AGBL1: variants seen among roughly 807,000 people sequenced by gnomAD.
The protein encoded by AGBL1 is AGBL carboxypeptidase 1.
In AGBL1, 130 loss-of-function variants were observed where a neutral mutation model predicts 118.9. The ratio of observed to expected loss-of-function variants is 1.09; its 90% CI spans 0.95 to 1.26. The LOEUF (loss-of-function observed/expected upper bound fraction) is 1.26, where lower values mean the gene tolerates loss of function less well. Among genes scored for constraint, AGBL1 ranks in the 50% most tolerant of loss-of-function variants. AGBL1 has a pLI of 0.00. For missense variants in AGBL1, 1,584 were observed against 1,298.1 expected, an observed-to-expected ratio of 1.22 and a Z score of -3.38; for synonymous variants, 555 against 478.9, an observed-to-expected ratio of 1.16 and a Z score of -2.08.
At chr15:86,284,752 C>T (rs751612781) in intron 16 of AGBL1, among the ~76,000 whole-genome samples, 1 of 152,108 alleles carries the variant, frequency 6.6e-6, no homozygotes, top group Non-Finnish European at 1.5e-5. Context: ...CAGTAGCCAT[C>T]AGCAGGTTAC....
intron 22 of AGBL1, among the ~76,000 whole-genome samples, chr15:86,784,930 T>C (rs961635807): frequency 6.6e-6 from 1 of 151,694 alleles, no homozygotes; most frequent in African/African-American, 2.4e-5. Flanking sequence ...ATAAGATTAT[T>C]AAAAAAAAAT....
At chr15:86,382,944 C>G (rs2081132061) in intron 17 of AGBL1, among the ~76,000 whole-genome samples, 1 of 152,114 alleles carries the variant, frequency 6.6e-6, no homozygotes. Context: ...GTAAAACAAT[C>G]CACCTCTCAA....
chr15:86,676,939 C>T (rs2085859280), intron 22 of AGBL1, among the ~76,000 whole-genome samples: 1 of 152,038 alleles, frequency 6.6e-6, no homozygotes, highest in Admixed American at 6.6e-5. Flanking sequence ...CGTCTTGAAC[C>T]TGGGAGGCGG....
At chr15:86,513,886 A>T (rs2083083217) in intron 18 of AGBL1, among the ~76,000 whole-genome samples, 1 of 152,050 alleles carries the variant, frequency 6.6e-6, no homozygotes, top group Non-Finnish European at 1.5e-5. Flanking sequence ...CGTCATTTCA[A>T]CATGTCTCCA....
intron 21 of AGBL1, among the ~76,000 whole-genome samples, chr15:86,654,637 G>A (rs1349290655): frequency 6.6e-6 from 1 of 152,086 alleles, no homozygotes; most frequent in Non-Finnish European, 1.5e-5. Context: ...AGAGGTGGAT[G>A]GCAGGTGTCA....
chr15:86,370,612 G>A (rs907359780), intron 17 of AGBL1, among the ~76,000 whole-genome samples: 3 of 152,036 alleles, frequency 2.0e-5, no homozygotes, highest in South Asian at 2.1e-4. Context: ...ATTCTTTAAC[G>A]CCAGGACAGG....
At chr15:86,578,771 G>A (rs1596284854) in intron 21 of AGBL1, among the ~76,000 whole-genome samples, 2 of 152,186 alleles carry the variant, frequency 1.3e-5, no homozygotes, top group African/African-American at 4.8e-5. Flanking sequence ...TGCCATCCAT[G>A]TAAGACGTGA....
intron 16 of AGBL1, among the ~76,000 whole-genome samples, chr15:86,287,544 T>G (rs780321834): frequency 3.3e-5 from 5 of 152,194 alleles, no homozygotes; most frequent in Non-Finnish European, 5.9e-5. Context: ...GGATCAATTC[T>G]CATTCTTCCA....
At chr15:86,748,901 T>C (rs2077802327) in intron 22 of AGBL1, among the ~76,000 whole-genome samples, 1 of 152,142 alleles carries the variant, frequency 6.6e-6, no homozygotes, top group African/African-American at 2.4e-5. Context: ...CATGCTCTTT[T>C]GGTTACTGTA....
At chr15:86,787,557 G>A (rs1466700725) in intron 22 of AGBL1, among the ~76,000 whole-genome samples, 3 of 152,006 alleles carry the variant, frequency 2.0e-5, no homozygotes, top group Admixed American at 6.6e-5. Context: ...CCCTTAGCAT[G>A]TCGTCTTCCA....
At chr15:86,490,152 C>T (rs548124672) in intron 18 of AGBL1, among the ~76,000 whole-genome samples, 4 of 152,204 alleles carry the variant, frequency 2.6e-5, no homozygotes, top group African/African-American at 7.2e-5. Context: ...TTCCTTATCT[C>T]GTACTTTCTG....
rs149600221 is a variant in AGBL1 at position 86,954,804 on chromosome 15, C to A, written c.3222-33183C>A. Among the ~76,000 whole-genome samples the A allele has an allele frequency of 4.4e-3, 672 of 152,272 alleles. 8 individuals carry two copies. Among genetic ancestry groups the A allele is most frequent in the African/African-American group, 0.016 (654 of 41,550 alleles). ...GAACCCTCTATATCTAACATAAACACTGAAATTTAAAAAAATGTTCCATCT... is the reference window on the plus strand; with the variant it reads ...GAACCCTCTATATCTAACATAAACAATGAAATTTAAAAAAATGTTCCATCT... On this transcript the variant is annotated intron_variant, in intron 23 of 24. Transcript: ENST00000441037.
intron 23 of AGBL1, among the ~76,000 whole-genome samples, chr15:86,966,134 C>T (rs767176113): frequency 1.9e-4 from 29 of 151,886 alleles, no homozygotes; most frequent in Non-Finnish European, 3.2e-4. Flanking sequence ...TTACTGAAAA[C>T]GCCTTTTCAA....
chr15:86,912,996 A>G lies in AGBL1; in HGVS notation c.*5702A>G, dbSNP rs981870606. On this transcript the variant is annotated 3_prime_UTR_variant, in exon 23 of 23. Transcript: ENST00000614907. ...TGTTGCAGTTTGGTTCATGCTACCA[A>G]TGCTTGATAAAAAGTGTTCTTTAGA... is the stretch of plus-strand genomic sequence containing the variant. The G allele has an allele frequency of 1.3e-5, 2 of 152,160 alleles. No homozygotes were observed. The highest frequency in any genetic ancestry group is 3.9e-4 in the East Asian group (2 of 5,178). The allele number at this position is 152,160 out of a possible 1,614,324, so 9.4% of individuals were successfully genotyped here.
chr15:86,244,334 G>T (rs541618188), intron 6 of AGBL1, among the ~76,000 whole-genome samples: 1 of 152,074 alleles, frequency 6.6e-6, no homozygotes, highest in African/African-American at 2.4e-5. Context: ...GCAAAGCAGC[G>T]CCTTCCTCTC....
chr15:86,318,315 C>T (rs1476394060), intron 17 of AGBL1, among the ~76,000 whole-genome samples: 1 of 152,050 alleles, frequency 6.6e-6, no homozygotes, highest in Non-Finnish European at 1.5e-5. Flanking sequence ...GTGTGTCTCT[C>T]CCAGGTCTCA....
At chr15:86,570,829 G>A (rs956402234) in intron 21 of AGBL1, among the ~76,000 whole-genome samples, 1 of 152,064 alleles carries the variant, frequency 6.6e-6, no homozygotes, top group Non-Finnish European at 1.5e-5. Flanking sequence ...GTTTTGCTTG[G>A]GCCCTCTGGG....
chr15:86,580,077 C>G (rs747590910), intron 21 of AGBL1, among the ~76,000 whole-genome samples: 1 of 152,256 alleles, frequency 6.6e-6, no homozygotes. Flanking sequence ...TGGCCAATTT[C>G]TTCTGTGAAA....
At chr15:86,772,639 C>A (rs2078197696) in intron 22 of AGBL1, among the ~76,000 whole-genome samples, 1 of 151,572 alleles carries the variant, frequency 6.6e-6, no homozygotes, top group African/African-American at 2.4e-5. Context: ...TATTTAATGG[C>A]CAAATAGGAA....
Sources: gnomAD v4.1 joint callset for allele counts (sites outside exome capture counted in the v4.1 genomes callset) on GRCh38, gnomAD v4.1.1 for gene constraint, MANE v1.5 for transcripts, NCBI Gene and HGNC (gene_info 2026-07-23, HGNC 2026-07-21) for gene names.